The following ABTB2 variants were observed in gnomAD, a reference collection of about 807,000 sequenced individuals.
The protein encoded by ABTB2 is ankyrin repeat and BTB domain containing 2, also known as ankyrin repeat and BTB/POZ domain-containing protein 2.
ABTB2 carries 56 observed loss-of-function variants against 104.1 expected under a neutral mutation model. That is an observed-to-expected ratio of 0.54 (90% CI 0.43 to 0.67). The LOEUF (loss-of-function observed/expected upper bound fraction) is 0.67. ABTB2 is among the 30% of genes least tolerant of loss of function. ABTB2 has a pLI of 0.00. For synonymous variants in ABTB2, 606 were observed against 608.2 expected (o/e 1.00, Z 0.05); for missense variants, 1,279 against 1,407.7 (o/e 0.91, Z 1.46).
chr11:34,243,307 C>T (rs1045842049), intron 1 of ABTB2, among the ~76,000 whole-genome samples: 2 of 152,186 alleles, frequency 1.3e-5, no homozygotes, highest in Non-Finnish European at 2.9e-5. Context: ...GAGTCTCGCT[C>T]TGTCGCCCAG....
In ABTB2 at chr11:34,338,940, A is replaced by G. The variant is rs80217915; in HGVS notation, c.883+17761T>C. Among the ~76,000 whole-genome samples, 475 of 152,304 alleles carry G rather than the reference A, an allele frequency of 3.1e-3. 3 individuals carry two copies. Among genetic ancestry groups the G allele is most frequent in the African/African-American group, 0.011 (448 of 41,568 alleles). ...AAGAGCACTCCCTAAAGCCCCTTCC[A>G]TCGTCTTGAAATCAGCAACAGTATC... On this transcript the variant is annotated intron_variant, in intron 1 of 16. Transcript: ENST00000435224.
At chr11:34,157,258 GCCAGTGC>G (rs1360604261) in intron 14 of ABTB2, among the ~76,000 whole-genome samples, 1 of 152,240 alleles carries the variant, frequency 6.6e-6, no homozygotes, top group Non-Finnish European at 1.5e-5. Context: ...ACGGGGCAAG[GCCAGTGC>G]CCTGGGCCTA....
chr11:34,310,883 G>C (rs1268496727), intron 1 of ABTB2, among the ~76,000 whole-genome samples: 11 of 152,208 alleles, frequency 7.2e-5, no homozygotes, highest in Non-Finnish European at 2.9e-5. Context: ...AAACAGCTGT[G>C]AGAGCAAATG....
chr11:34,160,714 G>T (rs1852703724), intron 11 of ABTB2, among the ~76,000 whole-genome samples, 189 bp downstream of exon 11: 1 of 90,430 alleles, frequency 1.1e-5, no homozygotes. Context: ...GGGCCTGGGT[G>T]CTGGGGGCGG....
chr11:34,271,734 AATACATAC>A (rs11268199), intron 1 of ABTB2, among the ~76,000 whole-genome samples: 12,085 of 149,860 alleles, frequency 0.081, 587 homozygotes, highest in Non-Finnish European at 0.11. Context: ...CCCTATCTCA[AATACATAC>A]ATACATACAT....
intron 1 of ABTB2, among the ~76,000 whole-genome samples, chr11:34,240,379 A>G (rs190937658): frequency 1.0e-3 from 156 of 152,330 alleles, no homozygotes; most frequent in African/African-American, 3.6e-3. Context: ...CCACTGCACA[A>G]GCTATGGCTT....
At chr11:34,329,092 C>T (rs1855101790) in intron 1 of ABTB2, among the ~76,000 whole-genome samples, 1 of 152,206 alleles carries the variant, frequency 6.6e-6, no homozygotes, top group African/African-American at 2.4e-5. Flanking sequence ...CTAAATGGCT[C>T]ACTCCTTCAA....
rs115643004 is a variant in ABTB2, at chr11:34,337,107, A to G, written c.883+19594T>C. 7.8e-3 allele frequency among the ~76,000 whole-genome samples: 1,193 copies of G among 152,352 alleles called. 21 individuals carry two copies. Among genetic ancestry groups the G allele is most frequent in the African/African-American group, 0.027 (1,130 of 41,582 alleles). On this transcript the variant is annotated intron_variant, in intron 1 of 16. Transcript: ENST00000435224. ...GTTTACTGAGGAGGACAACCACCTG[A>G]GTGCAAGTGAGTGGATTCGGATGAG... is the stretch of plus-strand genomic sequence containing the variant.
chr11:34,155,607 G>A (rs991383819), intron 14 of ABTB2, among the ~76,000 whole-genome samples: 2 of 152,264 alleles, frequency 1.3e-5, no homozygotes, highest in African/African-American at 2.4e-5. Context: ...GCACAGTCGG[G>A]CTCTGTCAAG....
intron 1 of ABTB2, among the ~76,000 whole-genome samples, chr11:34,328,947 A>G (rs1460034039): frequency 2.6e-5 from 4 of 152,230 alleles, no homozygotes; most frequent in African/African-American, 9.6e-5. Context: ...CAAACAGTTG[A>G]ACTAAAACTT....
rs766563108 is a variant in ABTB2 at position 34,154,238 on chromosome 11, T to G, written c.2880+27A>C. 7.7e-6 allele frequency: 12 copies of G among 1,562,622 alleles called. No homozygotes were observed. Among genetic ancestry groups the G allele is most frequent in the Non-Finnish European group, 1.1e-5 (12 of 1,134,962 alleles). On this transcript the variant is annotated intron_variant, in intron 16 of 16. Coordinates refer to ENST00000435224, the MANE Select transcript of ABTB2 (RefSeq NM_145804.3). This position sits in a 1 kb window ranked among gnomAD's most constrained non-coding sequence, Gnocchi z 4.9. The stretch of plus-strand genomic sequence containing the variant: ...GTGGAGCAGAGCATGTGGTGGGAGG[T>G]GGCCAGCAGGCATCCTTGGCCCTCA...
intron 1 of ABTB2, among the ~76,000 whole-genome samples, chr11:34,273,271 C>T (rs1463291159): frequency 6.6e-6 from 1 of 152,152 alleles, no homozygotes; most frequent in Non-Finnish European, 1.5e-5. Flanking sequence ...GCCAAGGATA[C>T]ACCAGGGGTC....
chr11:34,311,631 C>T (rs549664954), intron 1 of ABTB2, among the ~76,000 whole-genome samples: 63 of 152,242 alleles, frequency 4.1e-4, no homozygotes, highest in African/African-American at 1.5e-3. Context: ...TTCTCCAGGC[C>T]GAGTATAAAA....
intron 1 of ABTB2, among the ~76,000 whole-genome samples, chr11:34,229,214 G>A (rs925488414): frequency 3.0e-4 from 46 of 151,804 alleles, no homozygotes; most frequent in South Asian, 8.3e-4. Context: ...CGGGTGCGGT[G>A]GCTCACGCCT....
intron 1 of ABTB2, among the ~76,000 whole-genome samples, chr11:34,336,498 C>G (rs1412841387): frequency 6.6e-6 from 1 of 151,988 alleles, no homozygotes; most frequent in Non-Finnish European, 1.5e-5. Context: ...AAAAAATTAT[C>G]TGGGTGTGGT....
intron 1 of ABTB2, among the ~76,000 whole-genome samples, chr11:34,324,504 C>T (rs1855044144): frequency 1.3e-5 from 2 of 152,196 alleles, no homozygotes; most frequent in African/African-American, 4.8e-5. Flanking sequence ...GTTAAAAAAA[C>T]AGGTGCCAGT....
At chr11:34,226,204 TAAAAAAAAA>T (rs34915007) in intron 1 of ABTB2, among the ~76,000 whole-genome samples, 2 of 79,594 alleles carry the variant, frequency 2.5e-5, no homozygotes, top group Non-Finnish European at 4.7e-5. Flanking sequence ...GAGAGTCCAT[TAAAAAAAAA>T]AAAAAAAAAA....
In ABTB2 at chr11:34,268,022, C is replaced by T. The variant is rs185874201; in HGVS notation, c.884-63332G>A. ...CTCGGCTCACTACAACCTCTGCTTCCCGGGCTGAAGTGATTCTCCAGCCTC... is the reference window on the plus strand; with the variant it reads ...CTCGGCTCACTACAACCTCTGCTTCTCGGGCTGAAGTGATTCTCCAGCCTC... On this transcript the variant is annotated intron_variant, in intron 1 of 16. Transcript: ENST00000435224. Among the ~76,000 whole-genome samples the T allele has an allele frequency of 2.7e-3, 414 of 152,172 alleles. 3 individuals are homozygous for T. The highest frequency in any genetic ancestry group is 9.4e-3 in the African/African-American group (391 of 41,496).
At chr11:34,312,778 G>A (rs1854873333) in intron 1 of ABTB2, among the ~76,000 whole-genome samples, 1 of 152,178 alleles carries the variant, frequency 6.6e-6, no homozygotes, top group African/African-American at 2.4e-5. Context: ...ATGGCTCACT[G>A]CAGCCTTGAC....
Sources: allele counts gnomAD v4.1 joint callset (sites outside exome capture counted in the v4.1 genomes callset), GRCh38; gene constraint gnomAD v4.1.1; non-coding constraint Gnocchi (gnomAD v3.1); transcripts MANE v1.5; gene names NCBI Gene and HGNC (gene_info 2026-07-23, HGNC 2026-07-21).